Variants in SLC28A3 observed in about 807,000 individuals in gnomAD.
SLC28A3 encodes the protein solute carrier family 28 member 3, also known as concentrative Na(+)-nucleoside cotransporter 3.
SLC28A3 carries 68 observed loss-of-function variants against 84.2 expected under a neutral mutation model. The ratio of observed to expected loss-of-function variants is 0.81; its 90% confidence interval spans 0.66 to 0.99. The LOEUF (loss-of-function observed/expected upper bound fraction) is 0.99. Ranked by LOEUF, SLC28A3 falls within the 50% of genes least tolerant of loss-of-function variation. SLC28A3 has a pLI of 0.00. For synonymous variants in SLC28A3, 267 were observed against 303.6 expected, an observed-to-expected ratio of 0.88 and a Z score of 1.25; for missense variants, 712 against 841.5, an observed-to-expected ratio of 0.85 and a Z score of 1.90.
At chr9:84,282,110 A>G (rs1016506338) in intron 14 of SLC28A3, among the ~76,000 whole-genome samples, 8 of 152,180 alleles carry the variant, frequency 5.3e-5, no homozygotes, top group African/African-American at 1.9e-4. Flanking sequence ...CCGTTGCCCT[A>G]CAGCCTGGGC....
the SLC28A3 span, among the ~76,000 whole-genome samples, chr9:84,354,175 T>C: frequency 6.6e-6 from 1 of 152,240 alleles, no homozygotes. Flanking sequence ...CTGGACTGGC[T>C]CTTTCTCTTT....
chr9:84,305,848 G>A (rs1269767963), intron 3 of SLC28A3, among the ~76,000 whole-genome samples: 1 of 152,210 alleles, frequency 6.6e-6, no homozygotes, highest in Non-Finnish European at 1.5e-5. Context: ...GGACCTCATG[G>A]GGTGTGCTTA....
chr9:84,287,189 A>G (rs138650345), intron 12 of SLC28A3, among the ~76,000 whole-genome samples: 288 of 152,096 alleles, frequency 1.9e-3, no homozygotes, highest in Non-Finnish European at 3.4e-3. Context: ...AAAAAACAAC[A>G]TTGTGCAAGT....
At chr9:84,298,846 G>T (rs1825517278) in intron 6 of SLC28A3, among the ~76,000 whole-genome samples, 2 of 152,212 alleles carry the variant, frequency 1.3e-5, no homozygotes, top group African/African-American at 2.4e-5. Context: ...TGCAGACCCA[G>T]GATGTGCAGC....
intron 1 of SLC28A3, among the ~76,000 whole-genome samples, chr9:84,321,210 T>C (rs1826363976): frequency 6.6e-6 from 1 of 152,070 alleles, no homozygotes; most frequent in Non-Finnish European, 1.5e-5. Flanking sequence ...AAGGATATAA[T>C]CTCATTGAAT....
intron 13 of SLC28A3, 127 bp downstream of exon 13, chr9:84,285,816 G>A: frequency 1.8e-6 from 2 of 1,123,416 alleles, no homozygotes; most frequent in Non-Finnish European, 2.5e-6. Flanking sequence ...GTTGGGGGAT[G>A]CATGAGAAGC....
At position 84,299,695 on chromosome 9, in the gene SLC28A3, AACTGCT is replaced by A; in HGVS notation, c.549_554del (p.Ala184_Val185del). The A allele has an allele frequency of 6.2e-7, 1 of 1,611,360 alleles. No homozygotes were observed. On this transcript the variant is annotated inframe_deletion, in exon 6 of 18. Coordinates refer to ENST00000376238, the MANE Select transcript of SLC28A3 (RefSeq NM_001199633.2). Reference sequence around the variant, plus strand: ...CAGTGTCAAAGGCCAACCAGAAAATAACTGCTAGGACCAGGGAGCTCCAGATCACCC... The same window carrying A: ...CAGTGTCAAAGGCCAACCAGAAAATAAGGACCAGGGAGCTCCAGATCACCC...
the SLC28A3 span, among the ~76,000 whole-genome samples, chr9:84,353,812 A>G: frequency 6.6e-6 from 1 of 152,240 alleles, no homozygotes; most frequent in Admixed American, 6.5e-5. Context: ...GTAGGTTTAT[A>G]TGCTTTCAGT....
intron 1 of SLC28A3, among the ~76,000 whole-genome samples, chr9:84,328,909 C>T (rs976931993): frequency 2.0e-5 from 3 of 152,104 alleles, no homozygotes; most frequent in Admixed American, 1.3e-4. Flanking sequence ...GCCTGGGTGA[C>T]AGAATGAGAC....
the SLC28A3 span, among the ~76,000 whole-genome samples, chr9:84,353,821 G>C: frequency 6.6e-6 from 1 of 152,160 alleles, no homozygotes; most frequent in Non-Finnish European, 1.5e-5. Flanking sequence ...TATGCTTTCA[G>C]TTTGTATGCT....
the SLC28A3 span, among the ~76,000 whole-genome samples, chr9:84,357,207 G>A: frequency 6.6e-6 from 1 of 152,106 alleles, no homozygotes; most frequent in Non-Finnish European, 1.5e-5. Context: ...TCAAACTTGG[G>A]TTTTGATTTG....
At chr9:84,349,930 C>T in the SLC28A3 span, among the ~76,000 whole-genome samples, 1 of 152,062 alleles carries the variant, frequency 6.6e-6, no homozygotes, top group Non-Finnish European at 1.5e-5. Context: ...AGAAATGAGT[C>T]CTTAGGCAGT....
chr9:84,278,440 G>A (rs887227600), intron 17 of SLC28A3, 96 bp from the exon 18 acceptor site: 2 of 1,491,092 alleles, frequency 1.3e-6, no homozygotes, highest in Non-Finnish European at 1.8e-6. Context: ...AGGGCAGGAA[G>A]CTGATTTTCT....
At chr9:84,324,767 G>A (rs1218429940) in intron 1 of SLC28A3, among the ~76,000 whole-genome samples, 5 of 152,174 alleles carry the variant, frequency 3.3e-5, no homozygotes, top group Non-Finnish European at 7.3e-5. Flanking sequence ...CATAGGTTGT[G>A]CTGTTTGGAA....
intron 1 of SLC28A3, among the ~76,000 whole-genome samples, chr9:84,327,112 T>C (rs1373598611): frequency 6.6e-6 from 1 of 152,124 alleles, no homozygotes; most frequent in Non-Finnish European, 1.5e-5. Flanking sequence ...TAGGAGGGCA[T>C]CTCTCTTGGG....
intron 3 of SLC28A3, among the ~76,000 whole-genome samples, chr9:84,307,075 G>GC (rs1825818615): frequency 7.0e-6 from 1 of 142,760 alleles, no homozygotes; most frequent in Admixed American, 7.3e-5. Flanking sequence ...AATCACTTGA[G>GC]CCCGAGCGGT....
upstream of SLC28A3, among the ~76,000 whole-genome samples, chr9:84,345,493 C>T (rs1171732903): frequency 6.6e-6 from 1 of 152,212 alleles, no homozygotes; most frequent in Non-Finnish European, 1.5e-5. Flanking sequence ...CAATGCCTGA[C>T]ATTCTTGCAG....
chr9:84,328,247 A>G (rs1826643224), intron 1 of SLC28A3, among the ~76,000 whole-genome samples: 1 of 151,860 alleles, frequency 6.6e-6, no homozygotes, highest in Admixed American at 6.6e-5. Context: ...TACATTAACT[A>G]TAAATGGATT....
intron 14 of SLC28A3, among the ~76,000 whole-genome samples, chr9:84,282,795 C>T (rs1050337940): frequency 1.3e-5 from 2 of 152,264 alleles, no homozygotes; most frequent in South Asian, 2.1e-4. Context: ...TGATTTTGTT[C>T]AAAGAACAAA....
Sources: gnomAD v4.1 joint callset for allele counts (sites outside exome capture counted in the v4.1 genomes callset) on GRCh38, gnomAD v4.1.1 for gene constraint, MANE v1.5 for transcripts, NCBI Gene and HGNC (gene_info 2026-07-23, HGNC 2026-07-21) for gene names.